The following GABRB1 variants were observed in gnomAD, a reference collection of about 807,000 sequenced individuals.
GABRB1 encodes gamma-aminobutyric acid type A receptor subunit beta1, also known as gamma-aminobutyric acid receptor subunit beta-1.
In GABRB1, 17 loss-of-function variants were observed where a neutral mutation model predicts 51.6. The ratio of observed to expected loss-of-function variants is 0.33; its 90% confidence interval spans 0.23 to 0.49. The LOEUF (loss-of-function observed/expected upper bound fraction) is 0.49, where lower values mean the gene tolerates loss of function less well. GABRB1 is among the 20% of genes least tolerant of loss of function. The pLI, the probability that GABRB1 is intolerant of heterozygous loss-of-function variation, is 0.99. For missense variants in GABRB1, 410 were observed against 600.6 expected (o/e 0.68, Z 3.32); for synonymous variants, 247 against 218.9 (o/e 1.13, Z -1.14).
intron 3 of GABRB1, among the ~76,000 whole-genome samples, chr4:47,053,371 A>C (rs1469243188): frequency 6.6e-6 from 1 of 152,272 alleles, no homozygotes; most frequent in African/African-American, 2.4e-5. Context: ...TAGTTCATAG[A>C]CAACCTTCTT....
At chr4:47,279,050 T>C (rs138623596) in intron 4 of GABRB1, among the ~76,000 whole-genome samples, 7 of 152,126 alleles carry the variant, frequency 4.6e-5, no homozygotes, top group East Asian at 1.9e-4. Context: ...GATCTAAGCA[T>C]AGATAAGCCC....
At chr4:47,193,591 T>A (rs1719531029) in intron 4 of GABRB1, among the ~76,000 whole-genome samples, 2 of 152,226 alleles carry the variant, frequency 1.3e-5, no homozygotes. Context: ...AAAGAAAATG[T>A]ATACCTAAAG....
chr4:47,372,206 T>C (rs915270920), intron 5 of GABRB1, among the ~76,000 whole-genome samples: 1 of 152,230 alleles, frequency 6.6e-6, no homozygotes, highest in Non-Finnish European at 1.5e-5. Context: ...CCTTTCCCCA[T>C]TGCTTGTTTT....
intron 4 of GABRB1, among the ~76,000 whole-genome samples, chr4:47,199,024 T>G (rs1719798483): frequency 6.6e-6 from 1 of 152,158 alleles, no homozygotes; most frequent in Non-Finnish European, 1.5e-5. Flanking sequence ...CCAGGCCCTT[T>G]CCTGGACTTG....
chr4:47,204,997 G>T (rs957188523), intron 4 of GABRB1, among the ~76,000 whole-genome samples: 4 of 152,036 alleles, frequency 2.6e-5, no homozygotes, highest in Non-Finnish European at 5.9e-5. Flanking sequence ...CTACCTGTTG[G>T]GGCTTCAGAG....
At chr4:47,028,963 A>G (rs748177290), upstream of GABRB1, among the ~76,000 whole-genome samples, 1 of 151,322 alleles carries the variant, frequency 6.6e-6, no homozygotes, top group African/African-American at 2.4e-5. Context: ...GGCTCATTAT[A>G]TCATTCTGCA....
intron 4 of GABRB1, among the ~76,000 whole-genome samples, chr4:47,303,942 C>T (rs1458498780): frequency 6.6e-6 from 1 of 152,006 alleles, no homozygotes; most frequent in African/African-American, 2.4e-5. Context: ...GCTTATTTCA[C>T]TTAACATGAT....
chr4:47,164,614 A>G (rs370966977), intron 4 of GABRB1, among the ~76,000 whole-genome samples: 5 of 152,214 alleles, frequency 3.3e-5, no homozygotes, highest in African/African-American at 1.2e-4. Context: ...TTGGCTAGGT[A>G]TTCCATAATC....
intron 3 of GABRB1, among the ~76,000 whole-genome samples, chr4:47,061,002 C>A (rs1174525646): frequency 6.6e-6 from 1 of 152,096 alleles, no homozygotes; most frequent in African/African-American, 2.4e-5. Flanking sequence ...CATATTTAAT[C>A]TTCTATTCTA....
At chr4:47,161,097 G>C in intron 3 of GABRB1, 152 bp from the exon 4 acceptor site, 3 of 591,456 alleles carry the variant, frequency 5.1e-6, no homozygotes, top group Non-Finnish European at 8.8e-6. Context: ...CAGGCCCCTA[G>C]TACTTTTAAC....
At chr4:47,360,653 A>C (rs1271992534) in intron 5 of GABRB1, among the ~76,000 whole-genome samples, 1 of 152,120 alleles carries the variant, frequency 6.6e-6, no homozygotes, top group African/African-American at 2.4e-5. Flanking sequence ...CATGACTACT[A>C]TTTTAATGTA....
chr4:47,172,169 C>T (rs959011231), intron 4 of GABRB1, among the ~76,000 whole-genome samples: 1 of 152,084 alleles, frequency 6.6e-6, no homozygotes, highest in East Asian at 1.9e-4. Context: ...CAGTACTTTA[C>T]TTTACACTAA....
chr4:47,174,035 G>T (rs550540909), intron 4 of GABRB1, among the ~76,000 whole-genome samples: 1 of 151,862 alleles, frequency 6.6e-6, no homozygotes, highest in Admixed American at 6.6e-5. Context: ...CTGTTCAATT[G>T]TTCCCTTTTT....
intron 5 of GABRB1, among the ~76,000 whole-genome samples, chr4:47,345,468 C>A (rs910209466): frequency 6.6e-6 from 1 of 152,058 alleles, no homozygotes; most frequent in African/African-American, 2.4e-5. Flanking sequence ...AGGATGAGTA[C>A]AGAGTTAACT....
intron 5 of GABRB1, among the ~76,000 whole-genome samples, chr4:47,353,076 G>A (rs1207176241): frequency 6.6e-6 from 1 of 152,142 alleles, no homozygotes; most frequent in African/African-American, 2.4e-5. Flanking sequence ...TAAGGAAGAT[G>A]CAAAAGCAGA....
chr4:47,329,695 T>C (rs1346674685), intron 5 of GABRB1, among the ~76,000 whole-genome samples: 2 of 148,722 alleles, frequency 1.3e-5, no homozygotes, highest in Admixed American at 1.4e-4. Flanking sequence ...CTTATCTCTA[T>C]ATATAGATAT....
intron 5 of GABRB1, among the ~76,000 whole-genome samples, chr4:47,372,848 C>T (rs1174229948): frequency 1.3e-5 from 2 of 152,124 alleles, no homozygotes; most frequent in Non-Finnish European, 2.9e-5. Flanking sequence ...ACACAGTTCC[C>T]TGATGTGAAG....
intron 3 of GABRB1, among the ~76,000 whole-genome samples, chr4:47,039,359 CA>C (rs10603411): frequency 0.057 from 3,745 of 65,494 alleles, 154 homozygotes; most frequent in African/African-American, 0.16. Context: ...AAAGAAAATA[CA>C]AAAAAAAAAA....
chr4:47,342,369 T>C (rs1356387452), intron 5 of GABRB1, among the ~76,000 whole-genome samples: 1 of 150,890 alleles, frequency 6.6e-6, no homozygotes, highest in Non-Finnish European at 1.5e-5. Context: ...ACTTGTCTTA[T>C]TCTACAAAAG....
Sources: allele counts gnomAD v4.1 joint callset (sites outside exome capture counted in the v4.1 genomes callset), GRCh38; gene constraint gnomAD v4.1.1; transcripts MANE v1.5; gene names NCBI Gene and HGNC (gene_info 2026-07-23, HGNC 2026-07-21).